The following CDK14 variants were observed in gnomAD, a reference collection of about 807,000 sequenced individuals.
CDK14 encodes cyclin-dependent kinase 14.
Under a neutral mutation model 60.7 loss-of-function variants are expected in CDK14, and 34 were observed. That is an observed-to-expected ratio of 0.56 (90% CI 0.43 to 0.75). The LOEUF is 0.75. CDK14 is among the 30% of genes least tolerant of loss of function. CDK14 has a pLI of 0.00. For missense variants in CDK14, 482 were observed against 564.1 expected, an observed-to-expected ratio of 0.85 and a Z score of 1.47; for synonymous variants, 197 against 203.7, an observed-to-expected ratio of 0.97 and a Z score of 0.28.
intron 9 of CDK14, among the ~76,000 whole-genome samples, chr7:90,983,430 A>G (rs977468883): frequency 3.3e-5 from 5 of 152,204 alleles, no homozygotes; most frequent in Non-Finnish European, 5.9e-5. Flanking sequence ...CTGTAGTCCC[A>G]GCACTTTGGG....
chr7:90,781,598 G>T (rs1428052227), intron 4 of CDK14, among the ~76,000 whole-genome samples: 2 of 148,778 alleles, frequency 1.3e-5, no homozygotes, highest in Non-Finnish European at 3.0e-5. Context: ...TTTGTATAAG[G>T]TGTAAGGAAA....
chr7:90,941,609 C>A (rs1266117944), intron 8 of CDK14, among the ~76,000 whole-genome samples: 1 of 149,824 alleles, frequency 6.7e-6, no homozygotes. Flanking sequence ...CTGCCAAACC[C>A]AGCTATTTTT....
At chr7:91,055,778 C>T (rs1797530650) in intron 11 of CDK14, among the ~76,000 whole-genome samples, 1 of 152,062 alleles carries the variant, frequency 6.6e-6, no homozygotes, top group Non-Finnish European at 1.5e-5. Context: ...TAACTTTTAG[C>T]CTAAGAATTT....
At chr7:90,921,535 T>C (rs894661345) in intron 8 of CDK14, among the ~76,000 whole-genome samples, 11 of 152,206 alleles carry the variant, frequency 7.2e-5, no homozygotes, top group Admixed American at 6.5e-5. Context: ...TTGCTCACTG[T>C]TGTTTGCACT....
intron 8 of CDK14, among the ~76,000 whole-genome samples, chr7:90,918,398 T>C (rs1793147139): frequency 1.3e-5 from 2 of 152,240 alleles, no homozygotes; most frequent in Non-Finnish European, 2.9e-5. Flanking sequence ...TGAGATTGTC[T>C]TCTTCCAGCA....
In CDK14 at chr7:90,728,353, A is replaced by G. The variant is rs75519828; in HGVS notation, c.369+1541A>G. Reference sequence around the variant, plus strand: ...ACATTTTTATTAGTTGGATGTTGGCATTATTGGATTGATCTTCTAGTTACC... The same window carrying G: ...ACATTTTTATTAGTTGGATGTTGGCGTTATTGGATTGATCTTCTAGTTACC... On this transcript the variant is annotated intron_variant, in intron 3 of 14. Coordinates refer to ENST00000380050, the MANE Select transcript of CDK14 (RefSeq NM_001287135.2). Among the ~76,000 whole-genome samples the G allele has an allele frequency of 1.0e-2, 1,515 of 151,980 alleles. 24 individuals carry two copies. Among genetic ancestry groups the G allele is most frequent in the African/African-American group, 0.034 (1,391 of 41,500 alleles).
intron 7 of CDK14, among the ~76,000 whole-genome samples, chr7:90,915,280 A>G (rs1396829158): frequency 6.6e-6 from 1 of 152,132 alleles, no homozygotes; most frequent in Non-Finnish European, 1.5e-5. Flanking sequence ...ACTAAAAATA[A>G]TACAAAAAAT....
chr7:90,649,260 C>A (rs369158945), intron 2 of CDK14, among the ~76,000 whole-genome samples: 1 of 42,914 alleles, frequency 2.3e-5, no homozygotes, highest in Non-Finnish European at 4.7e-5. Flanking sequence ...TTCTTTCTTT[C>A]TTTCTTTCTT....
At chr7:90,973,015 G>A (rs1794972416) in intron 9 of CDK14, among the ~76,000 whole-genome samples, 1 of 152,094 alleles carries the variant, frequency 6.6e-6, no homozygotes, top group Non-Finnish European at 1.5e-5. Context: ...TTTTTTGGAA[G>A]GATACATAGG....
chr7:91,133,718 AAGTT>A lies in CDK14; in HGVS notation c.*28+15516_*28+15519del, dbSNP rs555606522. Among the ~76,000 whole-genome samples, 372 of 152,248 alleles carry A rather than the reference AAGTT, an allele frequency of 2.4e-3. 2 individuals carry two copies. Among genetic ancestry groups the A allele is most frequent in the African/African-American group, 8.0e-3 (334 of 41,560 alleles). Reference sequence around the variant, plus strand: ...TACCGATTTTATTGTATAATTAAGAAAGTTAGTTAATTTACATTTTTATAGCCAT... The same window carrying A: ...TACCGATTTTATTGTATAATTAAGAAAGTTAATTTACATTTTTATAGCCAT... On this transcript the variant is annotated intron_variant, in intron 14 of 14. Transcript: ENST00000380050.
At chr7:90,965,091 G>A (rs879895158) in intron 9 of CDK14, among the ~76,000 whole-genome samples, 1 of 151,748 alleles carries the variant, frequency 6.6e-6, no homozygotes, top group African/African-American at 2.4e-5. Context: ...TTCCTCTCTC[G>A]GCTTTCTGAT....
intron 2 of CDK14, among the ~76,000 whole-genome samples, chr7:90,656,906 TG>T (rs1194783914): frequency 7.9e-5 from 12 of 152,236 alleles, no homozygotes; most frequent in Non-Finnish European, 1.3e-4. Flanking sequence ...AAACACAGTC[TG>T]TTTCATAGAA....
rs376864527 is a variant in CDK14, at chr7:90,644,826, A to G, written c.123+40577A>G. Among the ~76,000 whole-genome samples, 6 of 152,192 alleles carry G rather than the reference A, an allele frequency of 3.9e-5. No homozygotes were observed. The East Asian group carries it at 9.6e-4, about 24-fold the overall frequency. Reference sequence around the variant, plus strand: ...TTTGAAACATACTTAAATGTTGATGAGCATGCATGCTTATTACAATTTATT... The same window carrying G: ...TTTGAAACATACTTAAATGTTGATGGGCATGCATGCTTATTACAATTTATT... On this transcript the variant is annotated intron_variant, in intron 2 of 14. Coordinates refer to ENST00000380050, the MANE Select transcript of CDK14 (RefSeq NM_001287135.2).
At chr7:90,787,901 A>T (rs1805665604) in intron 4 of CDK14, among the ~76,000 whole-genome samples, 1 of 152,200 alleles carries the variant, frequency 6.6e-6, no homozygotes, top group South Asian at 2.1e-4. Context: ...TGAAAATAAT[A>T]CAAATTAGTC....
chr7:91,098,586 T>C (rs964827517), intron 12 of CDK14, among the ~76,000 whole-genome samples: 2 of 151,932 alleles, frequency 1.3e-5, no homozygotes, highest in Non-Finnish European at 2.9e-5. Flanking sequence ...TATATCAACA[T>C]AGAGTGCTAA....
chr7:90,704,791 C>G (rs1329602458), intron 2 of CDK14, among the ~76,000 whole-genome samples: 1 of 152,040 alleles, frequency 6.6e-6, no homozygotes, highest in East Asian at 1.9e-4. Context: ...TTCAGTTTAA[C>G]AGATTCCTCC....
intron 2 of CDK14, among the ~76,000 whole-genome samples, chr7:90,706,855 T>C (rs1801907332): frequency 6.6e-6 from 1 of 152,150 alleles, no homozygotes; most frequent in Non-Finnish European, 1.5e-5. Flanking sequence ...CCCGTCCAGG[T>C]CTCAGTCAGT....
At chr7:90,661,508 G>A (rs988079499) in intron 2 of CDK14, among the ~76,000 whole-genome samples, 7 of 152,190 alleles carry the variant, frequency 4.6e-5, no homozygotes, top group Admixed American at 4.6e-4. Context: ...ATTGGGCAGT[G>A]ACTGGGTATG....
intron 14 of CDK14, among the ~76,000 whole-genome samples, chr7:91,122,827 C>T (rs865923934): frequency 1.1e-4 from 16 of 152,108 alleles, no homozygotes; most frequent in African/African-American, 3.4e-4. Flanking sequence ...AAGCAGAGAG[C>T]AAAGCTGTTG....
Sources: allele counts gnomAD v4.1 joint callset (sites outside exome capture counted in the v4.1 genomes callset), GRCh38; gene constraint gnomAD v4.1.1; transcripts MANE v1.5; gene names NCBI Gene and HGNC (gene_info 2026-07-23, HGNC 2026-07-21).